Variants in NUP88 observed in about 807,000 individuals in gnomAD.
NUP88 encodes the protein nuclear pore complex protein Nup88.
In NUP88, 57 loss-of-function variants were observed where a neutral mutation model predicts 93.9. That is an observed-to-expected ratio of 0.61 (90% CI 0.49 to 0.76). The LOEUF (loss-of-function observed/expected upper bound fraction) is 0.76, where lower values mean the gene tolerates loss of function less well. Among genes scored for constraint, NUP88 ranks in the 30% least tolerant of loss-of-function variants. The pLI, the probability that NUP88 is intolerant of heterozygous loss-of-function variation, is 0.00. For missense variants in NUP88, 911 were observed against 901.0 expected, an observed-to-expected ratio of 1.01 and a Z score of -0.14; for synonymous variants, 346 against 336.8, an observed-to-expected ratio of 1.03 and a Z score of -0.30.
At position 5,419,489 on chromosome 17, in the gene NUP88, C is replaced by T. The variant is rs1461095126; in HGVS notation, c.162G>A (p.Gln54=). 2.5e-6 allele frequency: 4 copies of T among 1,613,944 alleles called. No individual in the cohort carries two copies. Among genetic ancestry groups the T allele is most frequent in the Admixed American group, 1.7e-5 (1 of 60,004 alleles). ...SSSLPSSPPP[Q]LLTRNVVFGL... ...CAAAGACCACGTTTCTCGTCAGCAA[C>T]TGCGGCGGCGGCGACGAAGGCAACG... is the stretch of plus-strand genomic sequence containing the variant. The change falls in exon 1 of 17, where the codon CAG becomes CAA. Residue 54 remains glutamine (Q), a synonymous_variant. Coordinates refer to ENST00000573584, the MANE Select transcript of NUP88 (RefSeq NM_002532.6).
rs112352103 is a variant in NUP88, at chr17:5,404,838, C to G, written c.1044+219G>C. Among the ~76,000 whole-genome samples the G allele has an allele frequency of 2.4e-3, 368 of 152,318 alleles. 4 individuals carry two copies. Among genetic ancestry groups the G allele is most frequent in the Non-Finnish European group, 4.4e-3 (298 of 68,030 alleles). The stretch of plus-strand genomic sequence containing the variant: ...TTGCAATATAGAGACCAGAAAGTAA[C>G]ATGCAGACTGGTGGACCAAGTAAGT... On this transcript the variant is annotated intron_variant, in intron 6 of 16. Transcript: ENST00000573584.
chr17:5,391,729 G>T, intron 9 of NUP88, 67 bp from the exon 10 acceptor site: 2 of 1,341,100 alleles, frequency 1.5e-6, no homozygotes, highest in South Asian at 1.2e-5. Context: ...GCAAAGACAT[G>T]ACAGGTCCGC....
intron 2 of NUP88, 116 bp from the exon 3 acceptor site, chr17:5,414,250 T>C (rs2151648203): frequency 3.6e-6 from 3 of 841,938 alleles, no homozygotes; most frequent in Admixed American, 2.3e-5. Flanking sequence ...GGCTGGAGTG[T>C]AACGGCACAA....
chr17:5,413,287 C>T (rs1294660531), intron 3 of NUP88, among the ~76,000 whole-genome samples: 1 of 152,176 alleles, frequency 6.6e-6, no homozygotes, highest in Admixed American at 6.5e-5. Context: ...GAGTTTTAAA[C>T]TGGACACACT....
rs1223587249 is a variant in NUP88, at chr17:5,414,145, G to T, written c.468-11C>A. 2 of 1,607,962 alleles carry T rather than the reference G, an allele frequency of 1.2e-6. No homozygotes were observed. Among genetic ancestry groups the T allele is most frequent in the Non-Finnish European group, 1.7e-6 (2 of 1,177,092 alleles). ...GCAACTGGAGTGGTACTAAAATAAA[G>T]ATAATAATTTTCCAAAACATTTTGT... On this transcript the variant is annotated splice_polypyrimidine_tract_variant and intron_variant, in intron 2 of 16. Coordinates refer to ENST00000573584, the MANE Select transcript of NUP88 (RefSeq NM_002532.6).
At position 5,387,638 on chromosome 17, in the gene NUP88, T is replaced by A; in HGVS notation, c.1802A>T (p.Gln601Leu). ...TCGACAATAACTGAGATCTTCTAGT[T>A]GTTTCTTTTTTTGGTCACATAATAA... ...VKLLCDQKKKQLEDLSYCREE... is the reference protein window; with the variant it reads ...VKLLCDQKKKLLEDLSYCREE... Residue 601 changes from glutamine to leucine, a missense_variant, in exon 13 of 17, where the codon CAA (glutamine) becomes CTA (leucine). Transcript: ENST00000573584. 6.2e-7 allele frequency: 1 copy of A among 1,613,432 alleles called. No individual in the cohort carries two copies. The highest frequency in any genetic ancestry group is 8.5e-7 in the Non-Finnish European group (1 of 1,179,714).
chr17:5,404,814 T>C (rs939842105), intron 6 of NUP88, among the ~76,000 whole-genome samples: 2 of 152,196 alleles, frequency 1.3e-5, no homozygotes, highest in Non-Finnish European at 2.9e-5. Flanking sequence ...CCCTGAAGAT[T>C]GCAATATAGA....
intron 4 of NUP88, among the ~76,000 whole-genome samples, 180 bp downstream of exon 4, chr17:5,410,523 G>A (rs1913772436): frequency 6.6e-6 from 1 of 152,124 alleles, no homozygotes; most frequent in Admixed American, 6.5e-5. Context: ...CTTGAGCCTA[G>A]GAGTTCCAGA....
At chr17:5,418,035 G>C (rs75669379) in intron 1 of NUP88, 65,361 of 145,946 alleles carry the variant, frequency 0.45, 14,989 homozygotes, top group East Asian at 0.84. Context: ...AGCTACTCGC[G>C]GGGGGGGCTG....
chr17:5,409,784 T>C (rs1439477482), intron 4 of NUP88, among the ~76,000 whole-genome samples: 1 of 152,236 alleles, frequency 6.6e-6, no homozygotes, highest in Non-Finnish European at 1.5e-5. Flanking sequence ...GGTGCTACTT[T>C]AGACTACTTG....
intron 14 of NUP88, 128 bp downstream of exon 14, chr17:5,387,258 A>G (rs1161190523): frequency 8.1e-5 from 101 of 1,241,900 alleles, no homozygotes; most frequent in Non-Finnish European, 1.2e-4. Context: ...TCCCCAACAT[A>G]TACTTCAGAG....
chr17:5,387,860 T>G lies in NUP88; in HGVS notation c.1688A>C (p.Gln563Pro). Residue 563 changes from glutamine to proline, a missense_variant, in exon 12 of 17, where the codon CAG becomes CCG. By Grantham distance (76) the Gln-to-Pro change is moderately conservative (BLOSUM62 -1). Coordinates refer to ENST00000573584, the MANE Select transcript of NUP88 (RefSeq NM_002532.6). ...DIAPPPEECL[Q>P]LLSRATQVFR... ...CACCTGGGTGGCTCTGCTGAGGAGC[T>G]GAAGGCATTCTTCAGGAGGAGGGGC... The G allele has an allele frequency of 6.2e-7, 1 of 1,614,028 alleles. No homozygotes were observed. Among genetic ancestry groups the G allele is most frequent in the South Asian group, 1.1e-5 (1 of 91,068 alleles).
intron 10 of NUP88, among the ~76,000 whole-genome samples, chr17:5,389,328 C>A (rs1410309142): frequency 6.6e-6 from 1 of 152,178 alleles, no homozygotes; most frequent in Non-Finnish European, 1.5e-5. Context: ...CAATATTAAG[C>A]CAAGAAACTG....
intron 3 of NUP88, among the ~76,000 whole-genome samples, chr17:5,411,313 T>C (rs28725407): frequency 0.017 from 2,615 of 152,160 alleles, 69 homozygotes; most frequent in African/African-American, 0.06. Context: ...CCTGTAATCC[T>C]AGCACTTTGG....
At chr17:5,416,159 A>AGTATAT (rs1302350232) in intron 2 of NUP88, among the ~76,000 whole-genome samples, 2 of 70,984 alleles carry the variant, frequency 2.8e-5, no homozygotes, top group Non-Finnish European at 5.6e-5. Flanking sequence ...AAAAAAAAAA[A>AGTATAT]AAAAAAAGTA....
At position 5,405,043 on chromosome 17, in the gene NUP88, C is replaced by G; in HGVS notation, c.1044+14G>C. The G allele has an allele frequency of 6.2e-7, 1 of 1,608,992 alleles. No homozygotes were observed. The highest frequency in any genetic ancestry group is 8.5e-7 in the Non-Finnish European group (1 of 1,176,982). On this transcript the variant is annotated intron_variant, in intron 6 of 16. Coordinates refer to ENST00000573584, the MANE Select transcript of NUP88 (RefSeq NM_002532.6). The stretch of plus-strand genomic sequence containing the variant: ...GTGTTGAAGATACAAACAACCACAG[C>G]AGCCTGCACTTACCGTGTGGTCATC...
chr17:5,416,144 CAAAAAAAAAA>C (rs1206275413), intron 2 of NUP88, among the ~76,000 whole-genome samples: 10 of 72,656 alleles, frequency 1.4e-4, no homozygotes, highest in Middle Eastern at 9.8e-3. Flanking sequence ...GACTCCATCT[CAAAAAAAAAA>C]AAAAAAAAAA....
At chr17:5,386,580 C>T (rs532005556) in intron 16 of NUP88, 128 bp downstream of exon 16, 57 of 741,110 alleles carry the variant, frequency 7.7e-5, no homozygotes, top group African/African-American at 7.6e-4. Context: ...TATCATGTGG[C>T]TCTCATCCCA....
chr17:5,391,657 G>C lies in NUP88; in HGVS notation c.1388C>G (p.Pro463Arg). Reference sequence around the variant, plus strand: ...AATCCAAAATCCTCGAATTGGAGCTGGCTGCCTGGAAAAACACAGTCATAG... The same window carrying C: ...AATCCAAAATCCTCGAATTGGAGCTCGCTGCCTGGAAAAACACAGTCATAG... ...LCTKPLPCRQ[P>R]APIRGFWIVP... is the part of the protein sequence containing the mutation. Residue 463 changes from proline to arginine, a missense_variant, in exon 10 of 17, where the codon CCA becomes CGA. Coordinates refer to ENST00000573584, the MANE Select transcript of NUP88 (RefSeq NM_002532.6). The C allele has an allele frequency of 6.2e-7, 1 of 1,613,166 alleles. No individual in the cohort carries two copies. Among genetic ancestry groups the C allele is most frequent in the Non-Finnish European group, 8.5e-7 (1 of 1,179,258 alleles).
Sources: gnomAD v4.1 joint callset for allele counts (sites outside exome capture counted in the v4.1 genomes callset) on GRCh38, gnomAD v4.1.1 for gene constraint, MANE v1.5 for transcripts, NCBI Gene and HGNC (gene_info 2026-07-23, HGNC 2026-07-21) for gene names.